CSMD1: variants seen among roughly 807,000 people sequenced by gnomAD.
CSMD1 encodes CUB and sushi domain-containing protein 1.
Under a neutral mutation model 417.5 loss-of-function variants are expected in CSMD1, and 213 were observed. The observed-to-expected ratio is 0.51, with a 90% CI of 0.46 to 0.57. The LOEUF (loss-of-function observed/expected upper bound fraction) is 0.57, where lower values mean the gene tolerates loss of function less well. CSMD1 is among the 20% of genes least tolerant of loss of function. CSMD1 has a pLI of 0.00. For synonymous variants in CSMD1, 2,862 were observed against 1,736.8 expected (o/e 1.65, Z -16.11); for missense variants, 6,923 against 4,529.7 (o/e 1.53, Z -15.17).
intron 1 of CSMD1, among the ~76,000 whole-genome samples, chr8:4,763,817 A>C (rs1231580275): frequency 6.6e-6 from 1 of 152,260 alleles, no homozygotes; most frequent in Admixed American, 6.5e-5. Context: ...AAATTATTAA[A>C]GGATCATGGT....
chr8:3,491,399 G>A (rs1219799451), intron 11 of CSMD1, among the ~76,000 whole-genome samples: 1 of 152,174 alleles, frequency 6.6e-6, no homozygotes, highest in African/African-American at 2.4e-5. Flanking sequence ...AAGGTAAAAT[G>A]TATTATGCAT....
intron 50 of CSMD1, among the ~76,000 whole-genome samples, chr8:3,043,961 G>C (rs971591309): frequency 1.3e-5 from 2 of 152,128 alleles, no homozygotes; most frequent in Non-Finnish European, 2.9e-5. Flanking sequence ...ATATTGGAAA[G>C]AGCTGCAAAC....
In CSMD1 at chr8:4,168,742, C is replaced by T. The variant is rs569266078; in HGVS notation, c.416-136643G>A. ...GAACCCAACTCTTAGACCTCATTGGCTATTCAAGTTAGGCTTTATTTCTTT... is the reference window on the plus strand; with the variant it reads ...GAACCCAACTCTTAGACCTCATTGGTTATTCAAGTTAGGCTTTATTTCTTT... On this transcript the variant is annotated intron_variant, in intron 3 of 69. Coordinates refer to ENST00000635120, the MANE Select transcript of CSMD1 (RefSeq NM_033225.6). 2.0e-5 allele frequency among the ~76,000 whole-genome samples: 3 copies of T among 152,280 alleles called. No individual in the cohort carries two copies. The South Asian group carries it at 6.2e-4, about 32-fold the overall frequency.
chr8:4,446,759 G>GTGTGTGTGTGTGTC (rs1554480696), intron 2 of CSMD1, among the ~76,000 whole-genome samples: 14 of 47,078 alleles, frequency 3.0e-4, no homozygotes, highest in African/African-American at 1.1e-3. Flanking sequence ...GTGTGTCTGT[G>GTGTGTGTGTGTGTC]TGTGTGTGTG....
intron 2 of CSMD1, among the ~76,000 whole-genome samples, chr8:4,468,015 C>A (rs577347056): frequency 1.8e-4 from 28 of 152,132 alleles, no homozygotes; most frequent in Admixed American, 9.8e-4. Context: ...GTAGTGATAA[C>A]CCCATCTCTC....
chr8:3,303,659 G>A (rs1206032413), intron 25 of CSMD1, among the ~76,000 whole-genome samples: 1 of 152,132 alleles, frequency 6.6e-6, no homozygotes, highest in Non-Finnish European at 1.5e-5. Flanking sequence ...GTACACATAT[G>A]GTTATGTAAA....
chr8:3,459,015 C>G (rs947468792), intron 12 of CSMD1, among the ~76,000 whole-genome samples: 6 of 152,182 alleles, frequency 3.9e-5, no homozygotes, highest in African/African-American at 1.4e-4. Context: ...TTGTTTCCTA[C>G]CCGCAAGGGT....
chr8:3,699,934 A>G (rs536645236), intron 7 of CSMD1, among the ~76,000 whole-genome samples: 1 of 151,274 alleles, frequency 6.6e-6, no homozygotes, highest in Non-Finnish European at 1.5e-5. Flanking sequence ...ATATCCCATA[A>G]CTACATCCCT....
intron 4 of CSMD1, among the ~76,000 whole-genome samples, chr8:4,009,116 A>G (rs1200553486): frequency 6.6e-6 from 1 of 152,210 alleles, no homozygotes; most frequent in Non-Finnish European, 1.5e-5. Flanking sequence ...ATGGTTGAAC[A>G]CCACTGACTT....
intron 5 of CSMD1, among the ~76,000 whole-genome samples, chr8:3,902,141 A>C (rs1272751187): frequency 1.3e-5 from 2 of 152,200 alleles, no homozygotes; most frequent in African/African-American, 4.8e-5. Flanking sequence ...GTAACACAAC[A>C]ATCTTCAAGC....
intron 3 of CSMD1, among the ~76,000 whole-genome samples, chr8:4,204,524 C>T (rs1799864356): frequency 6.6e-6 from 1 of 152,102 alleles, no homozygotes; most frequent in Non-Finnish European, 1.5e-5. Context: ...TTTATTTCCT[C>T]ACCTTTCAAA....
At chr8:3,676,272 A>C (rs13268988) in intron 7 of CSMD1, among the ~76,000 whole-genome samples, 2 of 151,930 alleles carry the variant, frequency 1.3e-5, no homozygotes, top group Admixed American at 1.3e-4. Flanking sequence ...GGCCCTAAGT[A>C]TTTACCAACT....
At chr8:4,270,297 C>A (rs192607178) in intron 3 of CSMD1, among the ~76,000 whole-genome samples, 46 of 152,240 alleles carry the variant, frequency 3.0e-4, no homozygotes, top group Non-Finnish European at 5.0e-4. Flanking sequence ...ACCTTCTTCC[C>A]AGTCTTTATA....
At chr8:3,771,457 G>T (rs2897574) in intron 5 of CSMD1, among the ~76,000 whole-genome samples, 46 of 152,104 alleles carry the variant, frequency 3.0e-4, no homozygotes, top group South Asian at 6.2e-4. Context: ...AGTTGCTGGT[G>T]GGGGGGCAAG....
chr8:4,850,209 TTATC>T (rs1801384857), intron 1 of CSMD1, among the ~76,000 whole-genome samples: 1 of 152,110 alleles, frequency 6.6e-6, no homozygotes, highest in South Asian at 2.1e-4. Context: ...TTTAACTGGG[TTATC>T]TGTCATTTTA....
chr8:3,721,966 C>T (rs1802202164), intron 6 of CSMD1, among the ~76,000 whole-genome samples: 1 of 152,168 alleles, frequency 6.6e-6, no homozygotes, highest in Admixed American at 6.5e-5. Flanking sequence ...TCATCCCTCA[C>T]CTCCTGCTGT....
Position 3,471,705 on chromosome 8 carries a change from T to TTTCC in CSMD1, c.1449-2885_1449-2882dup, listed in dbSNP as rs760750278. On this transcript the variant is annotated intron_variant, in intron 11 of 69. Coordinates refer to ENST00000635120, the MANE Select transcript of CSMD1 (RefSeq NM_033225.6). ...TCCTTCCTTCCTTCTTCCTTTCTTCTTTCCTTCCTTCCTTCCTTGCTTTCT... is the reference window on the plus strand; with the variant it reads ...TCCTTCCTTCCTTCTTCCTTTCTTCTTTCCTTCCTTCCTTCCTTCCTTGCTTTCT... Among the ~76,000 whole-genome samples the TTTCC allele has an allele frequency of 3.5e-5, 5 of 143,380 alleles. No homozygotes were observed. The East Asian group carries it at 1.1e-3, about 33-fold the overall frequency. The allele number at this position is 143,380 out of a possible 152,430, so 94.1% of individuals were successfully genotyped here. A position where few individuals can be genotyped will look rare whatever the true frequency, so the allele number is the denominator to read the frequency against.
chr8:3,840,504 T>C (rs930162729), intron 5 of CSMD1, among the ~76,000 whole-genome samples: 2 of 151,992 alleles, frequency 1.3e-5, no homozygotes, highest in Admixed American at 6.6e-5. Flanking sequence ...ATAAAAAATA[T>C]AGGCAAAACA....
At chr8:3,295,995 G>A (rs193263832) in intron 25 of CSMD1, among the ~76,000 whole-genome samples, 2 of 151,988 alleles carry the variant, frequency 1.3e-5, no homozygotes, top group Non-Finnish European at 1.5e-5. Flanking sequence ...GAAGAGATAG[G>A]CAAACCACAG....
Sources: allele counts gnomAD v4.1 joint callset (sites outside exome capture counted in the v4.1 genomes callset), GRCh38; gene constraint gnomAD v4.1.1; transcripts MANE v1.5; gene names NCBI Gene and HGNC (gene_info 2026-07-23, HGNC 2026-07-21).